Variants in PKHD1 observed in about 807,000 individuals in gnomAD.
PKHD1 encodes the protein PKHD1 ciliary IPT domain containing fibrocystin/polyductin, also known as fibrocystin.
In PKHD1, 291 loss-of-function variants were observed where a neutral mutation model predicts 412.0. That is an observed-to-expected ratio of 0.71 (90% confidence interval 0.64 to 0.78). PKHD1 has a LOEUF of 0.78. Among genes scored for constraint, PKHD1 ranks in the 30% least tolerant of loss-of-function variants. The pLI is 0.00. For synonymous variants in PKHD1, 1,777 were observed against 1,821.5 expected (o/e 0.98, Z 0.62); for missense variants, 4,825 against 4,950.7 (o/e 0.97, Z 0.76).
At chr6:51,922,760 T>C (rs1374715596) in intron 37 of PKHD1, among the ~76,000 whole-genome samples, 1 of 152,196 alleles carries the variant, frequency 6.6e-6, no homozygotes, top group Non-Finnish European at 1.5e-5. Flanking sequence ...GCACGGGATA[T>C]AATCTCCTGG....
At chr6:51,703,539 T>C (rs79966981) in intron 60 of PKHD1, among the ~76,000 whole-genome samples, 3,929 of 152,058 alleles carry the variant, frequency 0.026, 83 homozygotes, top group Non-Finnish European at 0.034. Context: ...GATTATTCAA[T>C]ATAATTCCAA....
intron 60 of PKHD1, among the ~76,000 whole-genome samples, chr6:51,689,497 C>G (rs1268424956): frequency 6.6e-6 from 1 of 152,028 alleles, no homozygotes; most frequent in Non-Finnish European, 1.5e-5. Flanking sequence ...CTGGCCAGGG[C>G]AATTAGGCAA....
In PKHD1 at chr6:51,616,450, G is replaced by A; in HGVS notation, c.*2631C>T. ...AAATTTAGAGTTGGCCTACAGTGGT[G>A]CTCAAATTGGCTCATCTCCAGACAT... is the stretch of plus-strand genomic sequence containing the variant. On this transcript the variant is annotated 3_prime_UTR_variant, in exon 67 of 67. Coordinates refer to ENST00000371117, the MANE Select transcript of PKHD1 (RefSeq NM_138694.4). 1 of 383,868 alleles carries A rather than the reference G, an allele frequency of 2.6e-6. No individual in the cohort carries two copies. The allele number at this position is 383,868 out of a possible 1,614,324, so 23.8% of individuals were successfully genotyped here.
At position 52,073,505 on chromosome 6, in the gene PKHD1, C is replaced by G; in HGVS notation, c.485G>C (p.Gly162Ala). Residue 162 changes from glycine to alanine, a missense_variant, in exon 7 of 67, where the codon GGA becomes GCA. Gly to Ala is a moderately conservative substitution (Grantham distance 60). Transcript: ENST00000371117. ...LIHVYGWIIT[G>A]RLETFDFDAE... Reference sequence around the variant, plus strand: ...ATCAAAATCAAAAGTTTCCAATCTTCCAGTGATAATCCAGCCATATACATG... The same window carrying G: ...ATCAAAATCAAAAGTTTCCAATCTTGCAGTGATAATCCAGCCATATACATG... 1 of 1,608,926 alleles carries G rather than the reference C, an allele frequency of 6.2e-7. No individual in the cohort carries two copies. Among genetic ancestry groups the G allele is most frequent in the Middle Eastern group, 1.7e-4 (1 of 6,050 alleles).
intron 60 of PKHD1, among the ~76,000 whole-genome samples, chr6:51,695,239 C>T (rs1778656069): frequency 6.6e-6 from 1 of 152,086 alleles, no homozygotes; most frequent in African/African-American, 2.4e-5. Context: ...GTTAAATAAA[C>T]ATTATCTAAT....
At chr6:51,936,716 C>T (rs1787547730) in intron 36 of PKHD1, among the ~76,000 whole-genome samples, 1 of 152,098 alleles carries the variant, frequency 6.6e-6, no homozygotes, top group Non-Finnish European at 1.5e-5. Context: ...CTCATTATAC[C>T]CTCCTCCCTT....
intron 52 of PKHD1, among the ~76,000 whole-genome samples, chr6:51,804,370 G>GA (rs1250510233): frequency 1.2e-5 from 1 of 81,278 alleles, no homozygotes; most frequent in Non-Finnish European, 2.5e-5. Flanking sequence ...GGGGGGGGGG[G>GA]GGGCGGTAAC....
intron 63 of PKHD1, among the ~76,000 whole-genome samples, chr6:51,644,376 A>G (rs530588566): frequency 8.5e-5 from 13 of 152,330 alleles, no homozygotes; most frequent in African/African-American, 3.1e-4. Flanking sequence ...TGATAGGAAC[A>G]GTTTTAGGCC....
chr6:51,992,404 A>G (rs1297815031), intron 35 of PKHD1, among the ~76,000 whole-genome samples: 2 of 152,208 alleles, frequency 1.3e-5, no homozygotes, highest in Non-Finnish European at 2.9e-5. Flanking sequence ...GAAAAGTATC[A>G]ATTTATCCAA....
At chr6:51,917,885 T>C (rs1245811231) in intron 37 of PKHD1, among the ~76,000 whole-genome samples, 1 of 152,124 alleles carries the variant, frequency 6.6e-6, no homozygotes, top group African/African-American at 2.4e-5. Flanking sequence ...TGGGATGAAA[T>C]CTAAGAAATG....
intron 31 of PKHD1, among the ~76,000 whole-genome samples, chr6:52,027,030 T>C (rs907906903): frequency 1.3e-5 from 2 of 152,252 alleles, no homozygotes; most frequent in African/African-American, 4.8e-5. Context: ...TGTCTTGTTC[T>C]TCCATCTCCC....
intron 53 of PKHD1, among the ~76,000 whole-genome samples, chr6:51,780,996 T>G (rs909466368): frequency 6.6e-6 from 1 of 152,104 alleles, no homozygotes; most frequent in Non-Finnish European, 1.5e-5. Context: ...CAAAATAAAT[T>G]TCGTACATTT....
rs374441065 is a variant in PKHD1, at chr6:51,659,226, C to T, written c.10900G>A (p.Val3634Ile). ...ATCATGAGAGGCCTACGTTGACCAA[C>T]TCTTCTATAATGACTAGTGCAAGTC... The part of the protein sequence containing the change: ...TVTCTSHYRR[V>I]GQRRPLMMEM... Residue 3634 changes from valine (V) to isoleucine (I), a missense_variant, in exon 61 of 67, where the codon GTT (valine) becomes ATT (isoleucine). Val to Ile is a conservative substitution (Grantham distance 29, BLOSUM62 3). Transcript: ENST00000371117. The T allele has an allele frequency of 6.2e-7, 1 of 1,613,882 alleles. No individual in the cohort carries two copies. Among genetic ancestry groups the T allele is most frequent in the Non-Finnish European group, 8.5e-7 (1 of 1,179,906 alleles).
intron 47 of PKHD1, 119 bp downstream of exon 47, chr6:51,870,385 T>C: frequency 1.1e-6 from 1 of 902,716 alleles, no homozygotes; most frequent in Non-Finnish European, 1.8e-6. Context: ...CAACAGTTTC[T>C]ACTGATGCAA....
chr6:51,646,345 A>T (rs992693528), intron 63 of PKHD1, among the ~76,000 whole-genome samples: 2 of 152,172 alleles, frequency 1.3e-5, no homozygotes, highest in African/African-American at 4.8e-5. Flanking sequence ...CTATGCATGA[A>T]GAGTTTGAGG....
chr6:51,722,965 A>C (rs529385652), intron 60 of PKHD1, among the ~76,000 whole-genome samples: 1 of 152,280 alleles, frequency 6.6e-6, no homozygotes, highest in South Asian at 2.1e-4. Context: ...ATTTGTTTTC[A>C]TTTTTGTTTT....
At chr6:51,724,017 C>T (rs1782250170) in intron 60 of PKHD1, among the ~76,000 whole-genome samples, 1 of 152,112 alleles carries the variant, frequency 6.6e-6, no homozygotes, top group African/African-American at 2.4e-5. Context: ...AAAAGAAATG[C>T]AATTGTCTTA....
In PKHD1 at chr6:52,053,149, G is replaced by T; in HGVS notation, c.2067C>A (p.Asn689Lys). The change falls in exon 21 of 67, where the codon AAC becomes AAA. Residue 689 changes from asparagine (N) to lysine (K), a missense_variant. Transcript: ENST00000371117. The stretch of plus-strand genomic sequence containing the variant: ...CCGTCTCCTGGGCCAGAGGGAGAAG[G>T]TTGATCTGATGAACCAGCACTGGGG... ...ANSPVLVHQI[N>K]LLPLAQETGL... 3 of 1,614,176 alleles carry T rather than the reference G, an allele frequency of 1.9e-6. No homozygotes were observed. Among genetic ancestry groups the T allele is most frequent in the Non-Finnish European group, 2.5e-6 (3 of 1,179,998 alleles).
chr6:52,084,383 C>A (rs886112860), intron 2 of PKHD1, among the ~76,000 whole-genome samples: 2 of 152,058 alleles, frequency 1.3e-5, no homozygotes, highest in African/African-American at 4.8e-5. Context: ...AAACAAAGGC[C>A]ATAAAAAGAT....
Sources: gnomAD v4.1 joint callset for allele counts (sites outside exome capture counted in the v4.1 genomes callset) on GRCh38, gnomAD v4.1.1 for gene constraint, MANE v1.5 for transcripts, NCBI Gene and HGNC (gene_info 2026-07-23, HGNC 2026-07-21) for gene names.